Variants in ST6GALNAC3 observed in about 807,000 individuals in gnomAD.
ST6GALNAC3 encodes the protein ST6 N-acetylgalactosaminide alpha-2,6-sialyltransferase 3, also known as alpha-N-acetylgalactosaminide alpha-2,6-sialyltransferase 3.
In ST6GALNAC3, 25 loss-of-function variants were observed where a neutral mutation model predicts 32.7. The observed-to-expected ratio is 0.76, with a 90% CI of 0.56 to 1.07. ST6GALNAC3 has a LOEUF of 1.07. Ranked by LOEUF, ST6GALNAC3 falls within the 50% of genes least tolerant of loss-of-function variation. The pLI is 0.00. For missense variants in ST6GALNAC3, 355 were observed against 382.4 expected (o/e 0.93, Z 0.60); for synonymous variants, 129 against 133.1 (o/e 0.97, Z 0.21).
intron 1 of ST6GALNAC3, among the ~76,000 whole-genome samples, chr1:76,301,920 G>T (rs528360508): frequency 6.6e-6 from 1 of 151,700 alleles, no homozygotes; most frequent in African/African-American, 2.4e-5. Flanking sequence ...CTGATGTCTT[G>T]GGCAGCTCCA....
At chr1:76,132,336 C>T (rs1649663169) in intron 1 of ST6GALNAC3, among the ~76,000 whole-genome samples, 1 of 152,280 alleles carries the variant, frequency 6.6e-6, no homozygotes, top group South Asian at 2.1e-4. Context: ...AGCAGCTTGC[C>T]TTCCCTCCAG....
At chr1:76,529,830 C>G (rs899348810) in intron 3 of ST6GALNAC3, among the ~76,000 whole-genome samples, 2 of 152,186 alleles carry the variant, frequency 1.3e-5, no homozygotes, top group African/African-American at 4.8e-5. Context: ...TGTTTTACCT[C>G]TCTTTGCATT....
intron 1 of ST6GALNAC3, among the ~76,000 whole-genome samples, chr1:76,147,604 T>G (rs1650771339): frequency 6.6e-6 from 1 of 152,208 alleles, no homozygotes; most frequent in African/African-American, 2.4e-5. Flanking sequence ...ATATTTTGTT[T>G]GTCGTCTATT....
At chr1:76,444,789 A>G (rs1478931974) in intron 3 of ST6GALNAC3, among the ~76,000 whole-genome samples, 3 of 152,110 alleles carry the variant, frequency 2.0e-5, no homozygotes, top group African/African-American at 7.2e-5. Flanking sequence ...GCCAGATTGC[A>G]ACTGTATGTC....
At chr1:76,508,005 G>C (rs1031998625) in intron 3 of ST6GALNAC3, among the ~76,000 whole-genome samples, 1 of 152,186 alleles carries the variant, frequency 6.6e-6, no homozygotes, top group African/African-American at 2.4e-5. Context: ...CTGTGGTTTT[G>C]ATTTGGACTT....
chr1:76,320,747 A>AAT (rs1038113849), intron 2 of ST6GALNAC3, among the ~76,000 whole-genome samples: 4 of 152,124 alleles, frequency 2.6e-5, no homozygotes, highest in Non-Finnish European at 4.4e-5. Flanking sequence ...ACATACATGT[A>AAT]ATATATATAT....
chr1:76,567,498 T>G (rs1665622839), intron 3 of ST6GALNAC3, among the ~76,000 whole-genome samples: 1 of 152,206 alleles, frequency 6.6e-6, no homozygotes, highest in East Asian at 1.9e-4. Context: ...AAGACAATGT[T>G]ATAAAGTGTC....
chr1:76,287,493 C>G (rs1014715766), intron 1 of ST6GALNAC3, among the ~76,000 whole-genome samples: 1 of 151,598 alleles, frequency 6.6e-6, no homozygotes, highest in Non-Finnish European at 1.5e-5. Flanking sequence ...AAGCCTCTCC[C>G]CAACCGCCAA....
At chr1:76,166,630 G>C (rs765729011) in intron 1 of ST6GALNAC3, among the ~76,000 whole-genome samples, 32 of 152,302 alleles carry the variant, frequency 2.1e-4, no homozygotes, top group Middle Eastern at 3.4e-3. Flanking sequence ...TCCTATCCAT[G>C]AGCATGGAAT....
chr1:76,134,737 C>G (rs1487233970), intron 1 of ST6GALNAC3, among the ~76,000 whole-genome samples: 1 of 152,180 alleles, frequency 6.6e-6, no homozygotes, highest in African/African-American at 2.4e-5. Flanking sequence ...ATGGCTCTTG[C>G]CTTGTGTCTG....
intron 3 of ST6GALNAC3, among the ~76,000 whole-genome samples, chr1:76,618,804 C>A (rs546400536): frequency 1.3e-5 from 2 of 152,170 alleles, no homozygotes; most frequent in Admixed American, 6.5e-5. Flanking sequence ...TACTGGACAC[C>A]ATCACAATGT....
intron 3 of ST6GALNAC3, among the ~76,000 whole-genome samples, chr1:76,442,176 C>A (rs1656660649): frequency 6.6e-6 from 1 of 152,106 alleles, no homozygotes; most frequent in Non-Finnish European, 1.5e-5. Context: ...GTCCATTTCC[C>A]TTTATAATTC....
At chr1:76,141,904 A>G (rs1408211241) in intron 1 of ST6GALNAC3, among the ~76,000 whole-genome samples, 1 of 152,222 alleles carries the variant, frequency 6.6e-6, no homozygotes, top group African/African-American at 2.4e-5. Flanking sequence ...AGGTTTCAAT[A>G]TACACGTGAA....
intron 3 of ST6GALNAC3, among the ~76,000 whole-genome samples, chr1:76,475,483 TGGGA>T (rs941874999): frequency 2.6e-5 from 4 of 152,288 alleles, no homozygotes; most frequent in African/African-American, 9.6e-5. Context: ...ATTAGTAATT[TGGGA>T]CTTTCACATA....
At chr1:76,101,183 C>A (rs1043467902) in intron 1 of ST6GALNAC3, among the ~76,000 whole-genome samples, 1 of 152,148 alleles carries the variant, frequency 6.6e-6, no homozygotes, top group African/African-American at 2.4e-5. Flanking sequence ...TACCGTAACC[C>A]CTGGAAACCA....
At position 76,074,865 on chromosome 1, in the gene ST6GALNAC3, C is replaced by T; in HGVS notation, c.-2C>T. On this transcript the variant is annotated 5_prime_UTR_variant, in exon 1 of 5. Transcript: ENST00000328299. ...CGGTGGCAGGAGGGCCGGCGGAGCG[C>T]CATGGCCTGCATCCTGAAGGTAACG... 1 of 1,592,732 alleles carries T rather than the reference C, an allele frequency of 6.3e-7. No individual in the cohort carries two copies. Among genetic ancestry groups the T allele is most frequent in the African/African-American group, 1.3e-5 (1 of 74,748 alleles).
intron 3 of ST6GALNAC3, among the ~76,000 whole-genome samples, chr1:76,531,795 C>G (rs1663274580): frequency 6.6e-6 from 1 of 152,058 alleles, no homozygotes; most frequent in Admixed American, 6.6e-5. Context: ...GGTCAAAGGT[C>G]AAGGTAAAGG....
rs545872869 is a variant in ST6GALNAC3 at position 76,391,979 on chromosome 1, A to G, written c.214-20029A>G. ...TAATTACTTATTAGAATTTCTTTCT[A>G]TCTTTTAGACCTTAGTTTCTCAACC... On this transcript the variant is annotated intron_variant, in intron 2 of 4. Coordinates refer to ENST00000328299, the MANE Select transcript of ST6GALNAC3 (RefSeq NM_152996.4). 1.5e-4 allele frequency among the ~76,000 whole-genome samples: 23 copies of G among 152,294 alleles called. No individual in the cohort carries two copies. The East Asian group carries it at 3.7e-3, about 24-fold the overall frequency.
chr1:76,187,313 C>T (rs1653617310), intron 1 of ST6GALNAC3, among the ~76,000 whole-genome samples: 1 of 152,056 alleles, frequency 6.6e-6, no homozygotes, highest in South Asian at 2.1e-4. Flanking sequence ...CTTGATATTC[C>T]ATTGTGAGAT....
Sources: allele counts gnomAD v4.1 joint callset (sites outside exome capture counted in the v4.1 genomes callset), GRCh38; gene constraint gnomAD v4.1.1; transcripts MANE v1.5; gene names NCBI Gene and HGNC (gene_info 2026-07-23, HGNC 2026-07-21).